FLRT1: variants seen among roughly 807,000 people sequenced by gnomAD.
The protein encoded by FLRT1 is fibronectin leucine rich transmembrane protein 1, also known as leucine-rich repeat transmembrane protein FLRT1.
A neutral mutation model predicts 30.9 loss-of-function variants in FLRT1; 14 were observed. The observed-to-expected ratio is 0.45, with a 90% CI of 0.30 to 0.71. The LOEUF is 0.71. FLRT1 is among the 30% of genes least tolerant of loss of function. The probability of loss-of-function intolerance (pLI) is 0.08; values close to 1 mark genes in which losing one functional copy is unlikely to be tolerated. For synonymous variants in FLRT1, 368 were observed against 430.4 expected (o/e 0.85, Z 1.80); for missense variants, 737 against 949.2 (o/e 0.78, Z 2.94).
chr11:64,095,884 GC>G (rs1375754175), intron 1 of FLRT1, among the ~76,000 whole-genome samples: 1 of 152,236 alleles, frequency 6.6e-6, no homozygotes, highest in Non-Finnish European at 1.5e-5. Context: ...GGAAGGGGCA[GC>G]CGAGGGAGGG....
rs546299947 is a variant in FLRT1, at chr11:64,107,350, CT to C, written c.-50+3170del. On this transcript the variant is annotated intron_variant, in intron 2 of 2. Transcript: ENST00000682287. ...GTGTCTCCTTTCATCCCCCCACCCC[CT>C]CCTGGCCTTGAATGGTTTAATATCG... Among the ~76,000 whole-genome samples, 9 of 152,250 alleles carry C rather than the reference CT, an allele frequency of 5.9e-5. No homozygotes were observed. In the South Asian group the frequency reaches 1.9e-3, roughly 32 times the overall value.
intron 1 of FLRT1, among the ~76,000 whole-genome samples, chr11:64,095,690 G>A (rs898898320): frequency 4.6e-5 from 7 of 152,226 alleles, no homozygotes; most frequent in African/African-American, 1.7e-4. Context: ...TCACAGCGGA[G>A]GTCTGAGGAG....
chr11:64,092,539 G>A (rs1390086368), intron 1 of FLRT1, among the ~76,000 whole-genome samples: 2 of 152,210 alleles, frequency 1.3e-5, no homozygotes, highest in African/African-American at 2.4e-5. Flanking sequence ...CTCAGAGACC[G>A]CGTGTGGTCA....
chr11:64,053,813 T>G (rs1381546153), intron 1 of FLRT1, among the ~76,000 whole-genome samples: 2 of 152,166 alleles, frequency 1.3e-5, no homozygotes, highest in East Asian at 3.8e-4. Context: ...GCCCCTTGCC[T>G]GCCCGCAGAT....
At chr11:64,069,322 C>T (rs1944063223) in intron 1 of FLRT1, among the ~76,000 whole-genome samples, 1 of 152,160 alleles carries the variant, frequency 6.6e-6, no homozygotes, top group Non-Finnish European at 1.5e-5. Context: ...GGCTGTCAGC[C>T]GAAGAGCCTG....
intron 1 of FLRT1, among the ~76,000 whole-genome samples, chr11:64,094,084 G>A (rs1359186837): frequency 6.6e-6 from 1 of 152,138 alleles, no homozygotes; most frequent in African/African-American, 2.4e-5. Flanking sequence ...ATCATCTGAG[G>A]TCAGGAGTTT....
At chr11:64,077,813 C>T (rs1944231283) in intron 1 of FLRT1, among the ~76,000 whole-genome samples, 1 of 152,238 alleles carries the variant, frequency 6.6e-6, no homozygotes, top group South Asian at 2.1e-4. Flanking sequence ...GCCGCTCGGA[C>T]ATTTGGGCAA....
chr11:64,054,045 C>G (rs754348401), intron 1 of FLRT1, among the ~76,000 whole-genome samples: 2 of 152,156 alleles, frequency 1.3e-5, no homozygotes, highest in Non-Finnish European at 2.9e-5. Context: ...GAGGCCCTGG[C>G]CCTGGTGGCA....
chr11:64,039,738 C>T (rs1225466629), intron 1 of FLRT1, among the ~76,000 whole-genome samples: 1 of 152,224 alleles, frequency 6.6e-6, no homozygotes, highest in Non-Finnish European at 1.5e-5. Flanking sequence ...CCCCAGAGCA[C>T]TGCCGCTCCC....
At chr11:64,086,761 G>C (rs2134508947) in intron 1 of FLRT1, among the ~76,000 whole-genome samples, 1 of 152,288 alleles carries the variant, frequency 6.6e-6, no homozygotes, top group East Asian at 1.9e-4. Flanking sequence ...GACACACCCA[G>C]ATCACCCAAG....
chr11:64,084,464 A>T (rs1381236034), intron 1 of FLRT1, among the ~76,000 whole-genome samples: 1 of 152,172 alleles, frequency 6.6e-6, no homozygotes, highest in African/African-American at 2.4e-5. Flanking sequence ...AGGCAGCAGC[A>T]AAGAGGCAGC....
rs370416266 is a variant in FLRT1 at position 64,067,419 on chromosome 11, C to A, written c.-1038+31260C>A. ...TTCAATACCTGAGCCTTTCAGCTCA[C>A]AAATCATGCCCCCGGCCCAGGTGAC... On this transcript the variant is annotated intron_variant, in intron 1 of 2. Coordinates refer to ENST00000682287, the MANE Select transcript of FLRT1 (RefSeq NM_013280.5). This position sits in a 1 kb window ranked among gnomAD's most constrained non-coding sequence, Gnocchi z 4.6. Among the ~76,000 whole-genome samples, 70 of 152,278 alleles carry A rather than the reference C, an allele frequency of 4.6e-4. No individual in the cohort carries two copies. The highest frequency in any genetic ancestry group is 1.5e-3 in the African/African-American group (61 of 41,564).
chr11:64,104,425 GGGCTCTACCCAGCA>G (rs1325359913), intron 2 of FLRT1, among the ~76,000 whole-genome samples: 2 of 152,040 alleles, frequency 1.3e-5, no homozygotes, highest in African/African-American at 2.4e-5. Flanking sequence ...CCGTGCTGCT[GGGCTCTACCCAGCA>G]GCTGGACCCA....
chr11:64,089,093 GCTC>G (rs2134516089), intron 1 of FLRT1, among the ~76,000 whole-genome samples: 1 of 152,320 alleles, frequency 6.6e-6, no homozygotes, highest in Admixed American at 6.5e-5. Flanking sequence ...TGCTGCTGTG[GCTC>G]CTCTGTGAAC....
At chr11:64,093,914 C>T (rs1273761116) in intron 1 of FLRT1, among the ~76,000 whole-genome samples, 1 of 152,230 alleles carries the variant, frequency 6.6e-6, no homozygotes, top group Non-Finnish European at 1.5e-5. Context: ...CCCTCTGTGT[C>T]TGGTACAGTG....
At chr11:64,094,430 T>TAA (rs71468652) in intron 1 of FLRT1, among the ~76,000 whole-genome samples, 42,818 of 142,330 alleles carry the variant, frequency 0.3, 7,823 homozygotes, top group Middle Eastern at 0.43. Context: ...GACTCCAACT[T>TAA]AAAAAAAAAA....
chr11:64,038,976 C>A (rs780821001), intron 1 of FLRT1, among the ~76,000 whole-genome samples: 17 of 152,104 alleles, frequency 1.1e-4, no homozygotes, highest in Non-Finnish European at 2.1e-4. Flanking sequence ...AGAGTTCATG[C>A]CTAGCAATGT....
chr11:64,073,714 G>A (rs1052327614), intron 1 of FLRT1, among the ~76,000 whole-genome samples: 4 of 152,166 alleles, frequency 2.6e-5, no homozygotes, highest in East Asian at 1.9e-4. Context: ...GTGGGTTCTC[G>A]CCTCCCAAAC....
chr11:64,083,705 C>T (rs964245168), intron 1 of FLRT1, among the ~76,000 whole-genome samples: 15 of 152,320 alleles, frequency 9.8e-5, no homozygotes, highest in Non-Finnish European at 1.9e-4. Flanking sequence ...GAATGGGACT[C>T]GCCAGACTGG....
Sources: allele counts gnomAD v4.1 joint callset (sites outside exome capture counted in the v4.1 genomes callset), GRCh38; gene constraint gnomAD v4.1.1; non-coding constraint Gnocchi (gnomAD v3.1); transcripts MANE v1.5; gene names NCBI Gene and HGNC (gene_info 2026-07-23, HGNC 2026-07-21).